DENND5A: variants seen among roughly 807,000 people sequenced by gnomAD.
The protein encoded by DENND5A is DENN domain-containing protein 5A.
DENND5A carries 64 observed loss-of-function variants against 140.3 expected under a neutral mutation model. The observed-to-expected ratio is 0.46, with a 90% CI of 0.37 to 0.56. The LOEUF (loss-of-function observed/expected upper bound fraction) is 0.56, where lower values mean the gene tolerates loss of function less well. Ranked by LOEUF, DENND5A falls within the 20% of genes least tolerant of loss-of-function variation. The pLI, the probability that DENND5A is intolerant of heterozygous loss-of-function variation, is 0.00. For synonymous variants in DENND5A, 605 were observed against 607.7 expected (o/e 1.00, Z 0.07); for missense variants, 1,292 against 1,593.8 (o/e 0.81, Z 3.22).
chr11:9,160,493 C>T (rs72857993), intron 12 of DENND5A, among the ~76,000 whole-genome samples: 24,053 of 152,232 alleles, frequency 0.16, 2,421 homozygotes, highest in Middle Eastern at 0.22. Context: ...AAGAAAGATG[C>T]CTCTTTTTAA....
intron 4 of DENND5A, among the ~76,000 whole-genome samples, chr11:9,195,089 T>C (rs1315164583): frequency 6.7e-6 from 1 of 148,314 alleles, no homozygotes; most frequent in African/African-American, 2.5e-5. Flanking sequence ...GTTAAAACTT[T>C]TTTTTTTTTT....
rs115505252 is a variant in DENND5A, at chr11:9,200,434, G to T, written c.949+3226C>A. Among the ~76,000 whole-genome samples the T allele has an allele frequency of 2.6e-3, 391 of 152,356 alleles. 1 individual carries two copies. The highest frequency in any genetic ancestry group is 8.8e-3 in the African/African-American group (366 of 41,578). On this transcript the variant is annotated intron_variant, in intron 4 of 22. Coordinates refer to ENST00000328194, the MANE Select transcript of DENND5A (RefSeq NM_015213.4). ...CTTAAACTAGAAGTTGCAAAGTGAA[G>T]CCTCAGGAACTACATTCAGCCAGCA...
chr11:9,248,101 G>A (rs982528638), intron 1 of DENND5A, among the ~76,000 whole-genome samples: 3 of 151,982 alleles, frequency 2.0e-5, no homozygotes, highest in African/African-American at 7.3e-5. Flanking sequence ...TCCACATCAG[G>A]CCTCTCGAGT....
intron 1 of DENND5A, among the ~76,000 whole-genome samples, chr11:9,253,839 C>A (rs949774741): frequency 6.6e-6 from 1 of 151,578 alleles, no homozygotes; most frequent in South Asian, 2.1e-4. Context: ...GCACTTTGGC[C>A]TGGGCAACAG....
intron 1 of DENND5A, among the ~76,000 whole-genome samples, chr11:9,243,472 C>T (rs552995384): frequency 1.3e-5 from 2 of 152,256 alleles, no homozygotes; most frequent in South Asian, 2.1e-4. Flanking sequence ...TTTTCTTCCA[C>T]CTCTGCCACT....
In DENND5A at chr11:9,236,511, G is replaced by A. The variant is rs182693798; in HGVS notation, c.109+28450C>T. On this transcript the variant is annotated intron_variant, in intron 1 of 22. Coordinates refer to ENST00000328194, the MANE Select transcript of DENND5A (RefSeq NM_015213.4). ...TGCACCACTGCACTCCAGCCTGGGC[G>A]ACAAGAGCAAAACACCACCTCAAAA... Among the ~76,000 whole-genome samples the A allele has an allele frequency of 1.5e-4, 23 of 151,212 alleles. No individual in the cohort carries two copies. The East Asian group carries it at 3.7e-3, about 24-fold the overall frequency.
At chr11:9,194,773 G>A (rs1288559009) in intron 4 of DENND5A, among the ~76,000 whole-genome samples, 5 of 150,936 alleles carry the variant, frequency 3.3e-5, no homozygotes, top group African/African-American at 7.3e-5. Context: ...AGGCTAGAGT[G>A]CAGTGGCACC....
chr11:9,180,325 C>CACCTGT (rs1361076170), intron 6 of DENND5A, among the ~76,000 whole-genome samples: 1 of 152,068 alleles, frequency 6.6e-6, no homozygotes, highest in Non-Finnish European at 1.5e-5. Context: ...TGGTGGCATG[C>CACCTGT]ACCTGTGGTC....
chr11:9,224,579 T>C (rs1850453059), intron 1 of DENND5A, among the ~76,000 whole-genome samples: 1 of 151,992 alleles, frequency 6.6e-6, no homozygotes, highest in South Asian at 2.1e-4. Context: ...AAATCCATGG[T>C]GCCCAGTGCG....
chr11:9,194,124 T>C (rs1056591712), intron 4 of DENND5A, among the ~76,000 whole-genome samples: 4 of 152,182 alleles, frequency 2.6e-5, no homozygotes, highest in Admixed American at 1.3e-4. Context: ...ATAAGGAGCT[T>C]ATGTGAGCTT....
At chr11:9,234,869 C>T (rs954094510) in intron 1 of DENND5A, among the ~76,000 whole-genome samples, 14 of 152,156 alleles carry the variant, frequency 9.2e-5, no homozygotes, top group South Asian at 2.1e-4. Flanking sequence ...TTAATAAAGG[C>T]GCGGGTAAAT....
At chr11:9,169,191 A>G (rs1334920090) in intron 10 of DENND5A, among the ~76,000 whole-genome samples, 3 of 152,210 alleles carry the variant, frequency 2.0e-5, no homozygotes, top group African/African-American at 7.2e-5. Context: ...TCACACCTAT[A>G]ATCCCAGCAC....
At chr11:9,258,405 C>G (rs2136303208) in intron 1 of DENND5A, among the ~76,000 whole-genome samples, 1 of 151,200 alleles carries the variant, frequency 6.6e-6, no homozygotes, top group East Asian at 2.0e-4. Flanking sequence ...TGATAGTTTG[C>G]TGAGAATGAC....
chr11:9,214,203 C>A (rs1182099117), intron 1 of DENND5A, among the ~76,000 whole-genome samples: 1 of 152,196 alleles, frequency 6.6e-6, no homozygotes, highest in Non-Finnish European at 1.5e-5. Flanking sequence ...ACTCACACTT[C>A]TATTTTTTGT....
At chr11:9,232,390 A>C (rs968291521) in intron 1 of DENND5A, among the ~76,000 whole-genome samples, 1 of 152,132 alleles carries the variant, frequency 6.6e-6, no homozygotes, top group Non-Finnish European at 1.5e-5. Flanking sequence ...ATCAATAAAG[A>C]AAAAAAGATC....
chr11:9,224,092 G>A (rs1850434709), intron 1 of DENND5A, among the ~76,000 whole-genome samples: 1 of 152,230 alleles, frequency 6.6e-6, no homozygotes, highest in South Asian at 2.1e-4. Context: ...TACTAGGGAG[G>A]CTGAGGCAGG....
At chr11:9,201,392 A>AT (rs1554924383) in intron 4 of DENND5A, among the ~76,000 whole-genome samples, 61 of 150,944 alleles carry the variant, frequency 4.0e-4, no homozygotes, top group Non-Finnish European at 6.6e-4. Context: ...AAAAAAAAAA[A>AT]TTTTAAGGCT....
intron 1 of DENND5A, among the ~76,000 whole-genome samples, chr11:9,253,018 TTTTTCTA>T (rs146025601): frequency 0.2 from 30,524 of 151,656 alleles, 3,168 homozygotes; most frequent in African/African-American, 0.23. Flanking sequence ...ACCAGGCTAA[TTTTTCTA>T]TTTTCTGTAG....
chr11:9,197,877 C>G (rs1354546851), intron 4 of DENND5A, among the ~76,000 whole-genome samples: 4 of 152,116 alleles, frequency 2.6e-5, no homozygotes, highest in African/African-American at 9.7e-5. Flanking sequence ...AATTATATGC[C>G]TTAAGCAATC....
Sources: gnomAD v4.1 joint callset for allele counts (sites outside exome capture counted in the v4.1 genomes callset) on GRCh38, gnomAD v4.1.1 for gene constraint, MANE v1.5 for transcripts, NCBI Gene and HGNC (gene_info 2026-07-23, HGNC 2026-07-21) for gene names.